HPSE2: variants seen among roughly 807,000 people sequenced by gnomAD.
HPSE2 encodes the protein heparanase 2 (inactive).
In HPSE2, 38 loss-of-function variants were observed where a neutral mutation model predicts 60.5. The observed-to-expected ratio is 0.63, with a 90% CI of 0.48 to 0.82. The LOEUF (loss-of-function observed/expected upper bound fraction) is 0.82. Among genes scored for constraint, HPSE2 ranks in the 40% least tolerant of loss-of-function variants. The pLI, the probability that HPSE2 is intolerant of heterozygous loss-of-function variation, is 0.00. For synonymous variants in HPSE2, 295 were observed against 293.2 expected (o/e 1.01, Z -0.06); for missense variants, 713 against 740.4 (o/e 0.96, Z 0.43).
At chr10:98,526,642 C>A (rs1942975381) in intron 9 of HPSE2, among the ~76,000 whole-genome samples, 1 of 152,160 alleles carries the variant, frequency 6.6e-6, no homozygotes, top group African/African-American at 2.4e-5. Flanking sequence ...ACATGGTCAT[C>A]ATTAAGTTTA....
At chr10:98,794,080 T>TG (rs1950717480) in intron 3 of HPSE2, among the ~76,000 whole-genome samples, 1 of 152,180 alleles carries the variant, frequency 6.6e-6, no homozygotes, top group South Asian at 2.1e-4. Flanking sequence ...GTTACCAAAA[T>TG]GAGGAAATTT....
chr10:98,558,936 C>T (rs10748739), intron 9 of HPSE2, among the ~76,000 whole-genome samples: 42,078 of 152,048 alleles, frequency 0.28, 6,247 homozygotes, highest in East Asian at 0.49. Context: ...AGGGTATACA[C>T]CATTCGCTAC....
At chr10:98,755,199 A>G (rs993414134) in intron 3 of HPSE2, among the ~76,000 whole-genome samples, 2 of 152,198 alleles carry the variant, frequency 1.3e-5, no homozygotes, top group African/African-American at 4.8e-5. Flanking sequence ...CAAACAGAAA[A>G]CAAAAAAGAG....
intron 3 of HPSE2, among the ~76,000 whole-genome samples, chr10:98,907,269 T>G: frequency 6.6e-6 from 1 of 152,096 alleles, no homozygotes; most frequent in East Asian, 1.9e-4. Flanking sequence ...GCTATCCGTG[T>G]CAAATATAGT....
intron 3 of HPSE2, among the ~76,000 whole-genome samples, chr10:98,960,058 C>A (rs1009839646): frequency 3.3e-5 from 5 of 152,096 alleles, no homozygotes; most frequent in Non-Finnish European, 7.4e-5. Context: ...TCCATCAAAC[C>A]TAAAATCTGG....
At chr10:98,991,465 C>T (rs1752508914) in intron 3 of HPSE2, among the ~76,000 whole-genome samples, 2 of 151,228 alleles carry the variant, frequency 1.3e-5, no homozygotes, top group African/African-American at 4.8e-5. Flanking sequence ...ATGAATATAA[C>T]AAATAAGAGA....
intron 11 of HPSE2, among the ~76,000 whole-genome samples, chr10:98,480,330 C>G (rs909424510): frequency 2.0e-5 from 3 of 152,106 alleles, no homozygotes; most frequent in South Asian, 2.1e-4. Context: ...GTAATCCCCC[C>G]GCCTCAGCCT....
intron 9 of HPSE2, among the ~76,000 whole-genome samples, chr10:98,491,482 A>C (rs1045858545): frequency 6.6e-6 from 1 of 152,192 alleles, no homozygotes; most frequent in African/African-American, 2.4e-5. Flanking sequence ...AAGATGCTCA[A>C]ATTTGATTAC....
chr10:99,210,530 TAACA>T, intron 2 of HPSE2, among the ~76,000 whole-genome samples: 1 of 152,140 alleles, frequency 6.6e-6, no homozygotes, highest in East Asian at 1.9e-4. Context: ...AACAAAATGC[TAACA>T]AACTGAATTC....
chr10:99,138,819 C>T lies in HPSE2; in HGVS notation c.610+5419G>A, dbSNP rs116455404. Among the ~76,000 whole-genome samples the T allele has an allele frequency of 2.6e-5, 4 of 152,150 alleles. 1 individual carries two copies. The highest frequency in any genetic ancestry group is 7.2e-5 in the African/African-American group (3 of 41,496). ...TGACAGGTTGATGGGTGGAGCAAGC[C>T]GCCATGGCATGTGTATATCTATGTA... On this transcript the variant is annotated intron_variant, in intron 3 of 11. Transcript: ENST00000370552.
intron 9 of HPSE2, among the ~76,000 whole-genome samples, chr10:98,563,341 C>T (rs1314021667): frequency 6.6e-6 from 1 of 150,416 alleles, no homozygotes; most frequent in Non-Finnish European, 1.5e-5. Flanking sequence ...TGATTTAATA[C>T]ATAAGAAATG....
chr10:99,122,104 G>A (rs1844976755), intron 3 of HPSE2, among the ~76,000 whole-genome samples: 1 of 152,020 alleles, frequency 6.6e-6, no homozygotes, highest in Admixed American at 6.6e-5. Context: ...TTGCATGTGT[G>A]CGAGAATGCA....
At chr10:98,614,478 G>A (rs1173156857) in intron 9 of HPSE2, among the ~76,000 whole-genome samples, 1 of 152,024 alleles carries the variant, frequency 6.6e-6, no homozygotes. Context: ...ATTTTTAGTG[G>A]AGACGGGGTT....
At chr10:99,120,477 A>ATTT (rs34044256) in intron 3 of HPSE2, among the ~76,000 whole-genome samples, 1 of 147,632 alleles carries the variant, frequency 6.8e-6, no homozygotes, top group Non-Finnish European at 1.5e-5. Context: ...AGCCATTCTA[A>ATTT]TTTTTTTTTT....
At chr10:98,760,493 A>G (rs1949981475) in intron 3 of HPSE2, among the ~76,000 whole-genome samples, 1 of 152,008 alleles carries the variant, frequency 6.6e-6, no homozygotes, top group Non-Finnish European at 1.5e-5. Flanking sequence ...CAATTTGTTT[A>G]GAGTTTTATC....
chr10:99,069,450 T>A (rs958434318), intron 3 of HPSE2, among the ~76,000 whole-genome samples: 2 of 152,012 alleles, frequency 1.3e-5, no homozygotes, highest in African/African-American at 2.4e-5. Flanking sequence ...TTGGATGTGC[T>A]TATTTGTTTA....
chr10:99,153,848 CTT>C (rs1240011929), intron 2 of HPSE2, among the ~76,000 whole-genome samples: 1 of 151,308 alleles, frequency 6.6e-6, no homozygotes, highest in African/African-American at 2.4e-5. Context: ...AAGTTGAAAA[CTT>C]TGAAAAAAAT....
the HPSE2 span, among the ~76,000 whole-genome samples, chr10:99,308,148 G>A: frequency 2.0e-5 from 3 of 151,720 alleles, no homozygotes; most frequent in African/African-American, 7.3e-5. Flanking sequence ...AGCATTTTGG[G>A]AGGCCGAGGC....
At chr10:98,934,961 C>G (rs1268256766) in intron 3 of HPSE2, among the ~76,000 whole-genome samples, 1 of 142,994 alleles carries the variant, frequency 7.0e-6, no homozygotes, top group Admixed American at 7.0e-5. Flanking sequence ...TCCCATAATT[C>G]TCAAAGGTTT....
Sources: allele counts gnomAD v4.1 joint callset (sites outside exome capture counted in the v4.1 genomes callset), GRCh38; gene constraint gnomAD v4.1.1; transcripts MANE v1.5; gene names NCBI Gene and HGNC (gene_info 2026-07-23, HGNC 2026-07-21).